PIK3C2A: variants seen among roughly 807,000 people sequenced by gnomAD.
The protein encoded by PIK3C2A is phosphatidylinositol 4-phosphate 3-kinase C2 domain-containing subunit alpha.
A neutral mutation model predicts 204.5 loss-of-function variants in PIK3C2A; 97 were observed. The ratio of observed to expected loss-of-function variants is 0.47; its 90% CI spans 0.40 to 0.56. PIK3C2A has a LOEUF of 0.56. PIK3C2A is among the 20% of genes least tolerant of loss of function. The pLI is 0.00. For missense variants in PIK3C2A, 1,735 were observed against 1,969.2 expected, an observed-to-expected ratio of 0.88 and a Z score of 2.25; for synonymous variants, 653 against 664.4, an observed-to-expected ratio of 0.98 and a Z score of 0.26.
chr11:17,131,245 T>C (rs1048137251), intron 12 of PIK3C2A, among the ~76,000 whole-genome samples: 27 of 152,040 alleles, frequency 1.8e-4, no homozygotes, highest in African/African-American at 6.5e-4. Context: ...AGAGCCAGAA[T>C]TGTTATATAG....
chr11:17,111,191 A>G (rs1461335746), intron 21 of PIK3C2A, among the ~76,000 whole-genome samples: 1 of 152,222 alleles, frequency 6.6e-6, no homozygotes, highest in East Asian at 1.9e-4. Context: ...TACAGGCATG[A>G]GCCACCATAT....
At chr11:17,126,316 G>A (rs1002216865) in intron 13 of PIK3C2A, among the ~76,000 whole-genome samples, 4 of 151,972 alleles carry the variant, frequency 2.6e-5, no homozygotes, top group Non-Finnish European at 5.9e-5. Flanking sequence ...GGATGGGATC[G>A]GATGGCGGGA....
intron 1 of PIK3C2A, among the ~76,000 whole-genome samples, chr11:17,194,887 C>T (rs1374424137): frequency 2.1e-5 from 3 of 143,252 alleles, no homozygotes; most frequent in Non-Finnish European, 3.0e-5. Context: ...CCAGCCTGGG[C>T]AACAAGAACG....
At chr11:17,124,194 T>C (rs1849448515) in intron 13 of PIK3C2A, among the ~76,000 whole-genome samples, 2 of 152,126 alleles carry the variant, frequency 1.3e-5, no homozygotes, top group African/African-American at 4.8e-5. Context: ...AGAACCACCC[T>C]TACTTCCAAC....
At chr11:17,095,376 C>A (rs1848421612) in intron 27 of PIK3C2A, among the ~76,000 whole-genome samples, 1 of 145,580 alleles carries the variant, frequency 6.9e-6, no homozygotes, top group South Asian at 2.1e-4. Flanking sequence ...GATATTGAGA[C>A]CATCCTGGCT....
intron 2 of PIK3C2A, among the ~76,000 whole-genome samples, chr11:17,157,671 G>T (rs1029543627): frequency 3.3e-5 from 5 of 152,028 alleles, no homozygotes; most frequent in African/African-American, 1.2e-4. Flanking sequence ...GTTGTGAGAA[G>T]TTTGTTTCTG....
intron 1 of PIK3C2A, among the ~76,000 whole-genome samples, chr11:17,180,520 AC>A (rs200815542): frequency 9.1e-5 from 12 of 132,016 alleles, no homozygotes; most frequent in African/African-American, 8.5e-5. Flanking sequence ...AACAACAACA[AC>A]AAAAAACAAA....
chr11:17,180,529 A>AAAC (rs1555035638), intron 1 of PIK3C2A, among the ~76,000 whole-genome samples: 6 of 86,342 alleles, frequency 6.9e-5, no homozygotes, highest in African/African-American at 2.4e-4. Context: ...AACAAAAAAC[A>AAAC]AAAAAAAAAA....
chr11:17,092,088 A>C lies in PIK3C2A; in HGVS notation c.4570-20T>G, dbSNP rs1312481344. On this transcript the variant is annotated intron_variant, in intron 29 of 32. Transcript: ENST00000691414. The stretch of plus-strand genomic sequence containing the variant: ...ATCACACTAAGAATAAAGAGAAAGC[A>C]ATTCATTAGTTTAAATATTATGTAA... 12 of 1,565,508 alleles carry C rather than the reference A, an allele frequency of 7.7e-6. No homozygotes were observed. Among genetic ancestry groups the C allele is most frequent in the Non-Finnish European group, 1.1e-5 (12 of 1,136,010 alleles).
intron 22 of PIK3C2A, among the ~76,000 whole-genome samples, chr11:17,105,576 G>A (rs1848784763): frequency 6.6e-6 from 1 of 152,048 alleles, no homozygotes; most frequent in African/African-American, 2.4e-5. Context: ...GCCCTGGTGT[G>A]TGATGTTCCC....
Position 17,086,724 on chromosome 11 carries a change from T to G in PIK3C2A, c.*3014A>C, listed in dbSNP as rs1240858249. 1.3e-5 allele frequency: 2 copies of G among 152,216 alleles called. No homozygotes were observed. Among genetic ancestry groups the G allele is most frequent in the Non-Finnish European group, 2.9e-5 (2 of 68,028 alleles). The allele number at this position is 152,216 out of a possible 1,614,324, so 9.4% of individuals were successfully genotyped here. Reference sequence around the variant, plus strand: ...AAGTATTTGGTTCTTATAGGTAAGATTAATTACCATATTCATTCATATATG... The same window carrying G: ...AAGTATTTGGTTCTTATAGGTAAGAGTAATTACCATATTCATTCATATATG... On this transcript the variant is annotated 3_prime_UTR_variant, in exon 33 of 33. Coordinates refer to ENST00000691414, the MANE Select transcript of PIK3C2A (RefSeq NM_002645.4).
At chr11:17,136,253 A>C (rs1352135510) in intron 9 of PIK3C2A, among the ~76,000 whole-genome samples, 1 of 152,170 alleles carries the variant, frequency 6.6e-6, no homozygotes, top group Non-Finnish European at 1.5e-5. Context: ...TCCTCTATAC[A>C]CAAAGGGTTC....
In PIK3C2A at chr11:17,117,643, G is replaced by A. The variant is rs1849241585; in HGVS notation, c.3064C>T (p.Gln1022Ter). 2 of 1,582,042 alleles carry A rather than the reference G, an allele frequency of 1.3e-6. No individual in the cohort carries two copies. The highest frequency in any genetic ancestry group is 1.7e-4 in the Middle Eastern group (1 of 5,864). Reference protein sequence around the residue: ...WLLKDALHDVQFSTRYEHVLG... With the variant: ...WLLKDALHDV ...ACATGTTCGTATCGGGTACTAAACT[G>A]TACATCATGCAGGGCATCTTTGAGA... Residue 1022 changes from glutamine to a stop codon, truncating the protein, a stop_gained, in exon 19 of 33, where the codon CAG becomes TAG. Transcript: ENST00000691414. LOFTEE classifies it high-confidence loss of function.
At chr11:17,152,350 T>C (rs1850448461) in intron 3 of PIK3C2A, among the ~76,000 whole-genome samples, 1 of 152,172 alleles carries the variant, frequency 6.6e-6, no homozygotes, top group Non-Finnish European at 1.5e-5. Flanking sequence ...TTCTAATCCA[T>C]GGTTTGTTTG....
chr11:17,162,162 C>A (rs1850794911), intron 2 of PIK3C2A, among the ~76,000 whole-genome samples: 1 of 151,848 alleles, frequency 6.6e-6, no homozygotes, highest in Admixed American at 6.6e-5. Context: ...AATGGTGAAA[C>A]CCCATCTCTA....
chr11:17,158,211 G>A (rs1458560610), intron 2 of PIK3C2A, among the ~76,000 whole-genome samples: 1 of 151,912 alleles, frequency 6.6e-6, no homozygotes, highest in African/African-American at 2.4e-5. Context: ...AGCCGGGCGT[G>A]GTGGTGCATG....
intron 1 of PIK3C2A, among the ~76,000 whole-genome samples, chr11:17,183,892 C>T (rs1392567659): frequency 6.6e-6 from 1 of 150,902 alleles, no homozygotes; most frequent in Non-Finnish European, 1.5e-5. Flanking sequence ...TATGCTTAAA[C>T]CCAGCAGTTT....
intron 28 of PIK3C2A, 118 bp from the exon 29 acceptor site, chr11:17,092,394 T>C (rs550617907): frequency 7.7e-6 from 5 of 649,820 alleles, no homozygotes; most frequent in South Asian, 1.8e-5. Context: ...AAGTAATATT[T>C]TGTGGCCGGG....
In PIK3C2A at chr11:17,095,543, A is replaced by C. The variant is rs560417619; in HGVS notation, c.4327-1158T>G. Among the ~76,000 whole-genome samples, 3 of 151,744 alleles carry C rather than the reference A, an allele frequency of 2.0e-5. No individual in the cohort carries two copies. The South Asian group carries it at 6.2e-4, about 32-fold the overall frequency. On this transcript the variant is annotated intron_variant, in intron 27 of 32. Transcript: ENST00000691414. ...GAGGCAGAGCTTGCAGTGAGCTGAG[A>C]TCACACCTCTGCACTCCAGCCTGGG... is the stretch of plus-strand genomic sequence containing the variant.
Sources: gnomAD v4.1 joint callset for allele counts (sites outside exome capture counted in the v4.1 genomes callset) on GRCh38, gnomAD v4.1.1 for gene constraint, MANE v1.5 for transcripts, NCBI Gene and HGNC (gene_info 2026-07-23, HGNC 2026-07-21) for gene names.